Variants in DPYS observed in about 807,000 individuals in gnomAD.
DPYS encodes dihydropyrimidine amidohydrolase.
A neutral mutation model predicts 50.3 loss-of-function variants in DPYS; 39 were observed. The observed-to-expected ratio is 0.78, with a 90% CI of 0.60 to 1.01. The LOEUF is 1.01. Ranked by LOEUF, DPYS falls within the 50% of genes least tolerant of loss-of-function variation. The probability of loss-of-function intolerance (pLI) is 0.00; values close to 1 mark genes in which losing one functional copy is unlikely to be tolerated. For synonymous variants in DPYS, 245 were observed against 250.7 expected, an observed-to-expected ratio of 0.98 and a Z score of 0.22; for missense variants, 659 against 680.9, an observed-to-expected ratio of 0.97 and a Z score of 0.36.
intron 7 of DPYS, 88 bp downstream of exon 7, chr8:104,424,159 C>T (rs1321083748): frequency 1.7e-5 from 27 of 1,605,458 alleles, no homozygotes; most frequent in Middle Eastern, 1.7e-4. Context: ...TAAGGAGAAG[C>T]GGCTGATTAA....
At chr8:104,452,906 T>G (rs1328432945) in intron 1 of DPYS, among the ~76,000 whole-genome samples, 1 of 152,218 alleles carries the variant, frequency 6.6e-6, no homozygotes, top group Non-Finnish European at 1.5e-5. Flanking sequence ...AAGTGCTTTA[T>G]GGGTTGAGCA....
At chr8:104,460,604 G>C (rs188626347) in intron 1 of DPYS, among the ~76,000 whole-genome samples, 5 of 152,276 alleles carry the variant, frequency 3.3e-5, no homozygotes, top group African/African-American at 1.2e-4. Flanking sequence ...ACATGTGAGA[G>C]AGAAAACAAG....
At chr8:104,418,953 G>C in intron 7 of DPYS, 1 of 960,596 alleles carries the variant, frequency 1.0e-6, no homozygotes, top group African/African-American at 1.8e-5. Context: ...AGGTGCTCCT[G>C]TGCAGAGTGA....
At chr8:104,392,742 G>T in intron 8 of DPYS, 42 bp downstream of exon 8, 1 of 1,609,310 alleles carries the variant, frequency 6.2e-7, no homozygotes, top group Non-Finnish European at 8.5e-7. Context: ...AGAAGCAGGA[G>T]ACAGTCCGAC....
chr8:104,416,162 C>T lies in DPYS; in HGVS notation c.1235+8085G>A, dbSNP rs374085262. Among the ~76,000 whole-genome samples the T allele has an allele frequency of 1.7e-3, 258 of 152,344 alleles. 2 individuals carry two copies. Among genetic ancestry groups the T allele is most frequent in the African/African-American group, 6.0e-3 (248 of 41,582 alleles). On this transcript the variant is annotated intron_variant, in intron 7 of 9. Coordinates refer to ENST00000351513, the MANE Select transcript of DPYS (RefSeq NM_001385.3). ...CTAGGAATTTATCACCAAAGCCTTTCTCTTCACTCTATGGTACTGCTCCCC... is the reference window on the plus strand; with the variant it reads ...CTAGGAATTTATCACCAAAGCCTTTTTCTTCACTCTATGGTACTGCTCCCC...
intron 7 of DPYS, among the ~76,000 whole-genome samples, chr8:104,405,778 G>A (rs1024286700): frequency 6.6e-6 from 1 of 152,214 alleles, no homozygotes; most frequent in Non-Finnish European, 1.5e-5. Flanking sequence ...TGCAGACCTC[G>A]AAACTGACTC....
At chr8:104,451,978 A>G (rs1374196576) in intron 1 of DPYS, among the ~76,000 whole-genome samples, 2 of 152,172 alleles carry the variant, frequency 1.3e-5, no homozygotes, top group African/African-American at 2.4e-5. Flanking sequence ...TGACTATTGT[A>G]AGAGTCCTGA....
At chr8:104,428,324 C>A (rs763350511) in intron 5 of DPYS, among the ~76,000 whole-genome samples, 36 of 152,192 alleles carry the variant, frequency 2.4e-4, no homozygotes, top group Non-Finnish European at 4.3e-4. Context: ...ACACACTGAT[C>A]GGAAGCATGA....
chr8:104,430,461 T>C (rs1451621411), intron 4 of DPYS, among the ~76,000 whole-genome samples: 2 of 152,168 alleles, frequency 1.3e-5, no homozygotes, highest in African/African-American at 4.8e-5. Flanking sequence ...GTCAGAATAA[T>C]AGGTTTGTTG....
At chr8:104,462,795 C>T (rs1477281255) in intron 1 of DPYS, among the ~76,000 whole-genome samples, 1 of 152,208 alleles carries the variant, frequency 6.6e-6, no homozygotes, top group Non-Finnish European at 1.5e-5. Flanking sequence ...ATAAAAAATT[C>T]CATTGTCCTT....
chr8:104,380,227 G>A (rs1350955504), intron 9 of DPYS, among the ~76,000 whole-genome samples: 12 of 152,186 alleles, frequency 7.9e-5, no homozygotes, highest in Admixed American at 5.2e-4. Context: ...CAGGGAATAA[G>A]AGGTTGTCAA....
At chr8:104,416,472 CAT>C (rs1812372799) in intron 7 of DPYS, among the ~76,000 whole-genome samples, 1 of 152,164 alleles carries the variant, frequency 6.6e-6, no homozygotes, top group South Asian at 2.1e-4. Flanking sequence ...TGGCATAAAT[CAT>C]ATTCATTTCC....
At chr8:104,423,566 T>C (rs917694747) in intron 7 of DPYS, among the ~76,000 whole-genome samples, 1 of 152,200 alleles carries the variant, frequency 6.6e-6, no homozygotes, top group African/African-American at 2.4e-5. Flanking sequence ...ATACAGATTA[T>C]TAAAGCATTT....
chr8:104,434,240 C>A (rs1212672735), intron 4 of DPYS, among the ~76,000 whole-genome samples: 1 of 152,116 alleles, frequency 6.6e-6, no homozygotes, highest in Non-Finnish European at 1.5e-5. Context: ...TGATAAGGGG[C>A]GGTGGAGACC....
chr8:104,444,357 C>T lies in DPYS; in HGVS notation c.684G>A (p.Glu228=). The T allele has an allele frequency of 1.2e-6, 2 of 1,614,260 alleles. No individual in the cohort carries two copies. The highest frequency in any genetic ancestry group is 2.7e-5 in the African/African-American group (2 of 75,070). Residue 228 remains glutamate (E), a synonymous_variant, in exon 4 of 10, where the codon GAG becomes GAA. Coordinates refer to ENST00000351513, the MANE Select transcript of DPYS (RefSeq NM_001385.3). ...ELCRPEAVEA[E]ATLRAITIAS... ...CTATGGTGATGGCTCTCAGCGTGGC[C>T]TCTGCCTCCACTGCCTCTGGGCGGC...
At chr8:104,392,327 G>T (rs1265904624) in intron 8 of DPYS, among the ~76,000 whole-genome samples, 2 of 152,166 alleles carry the variant, frequency 1.3e-5, no homozygotes, top group African/African-American at 4.8e-5. Context: ...AGACTGTAGG[G>T]TGTTCCAGGA....
intron 7 of DPYS, among the ~76,000 whole-genome samples, chr8:104,422,163 A>C: frequency 6.6e-6 from 1 of 152,218 alleles, no homozygotes; most frequent in Non-Finnish European, 1.5e-5. Context: ...TCAAAAGAAG[A>C]AGCACATCAA....
intron 7 of DPYS, among the ~76,000 whole-genome samples, chr8:104,422,345 T>C (rs899465271): frequency 2.0e-5 from 3 of 152,192 alleles, no homozygotes; most frequent in Admixed American, 1.3e-4. Flanking sequence ...ACATGGAATA[T>C]GAAAAATCAA....
At chr8:104,431,909 A>T (rs1588440064) in intron 4 of DPYS, among the ~76,000 whole-genome samples, 2 of 152,184 alleles carry the variant, frequency 1.3e-5, no homozygotes, top group East Asian at 3.8e-4. Context: ...ATTACTTGGG[A>T]AAGAGCATGT....
Sources: allele counts gnomAD v4.1 joint callset (sites outside exome capture counted in the v4.1 genomes callset), GRCh38; gene constraint gnomAD v4.1.1; transcripts MANE v1.5; gene names NCBI Gene and HGNC (gene_info 2026-07-23, HGNC 2026-07-21).